The following SEMA6D variants were observed in gnomAD, a reference collection of about 807,000 sequenced individuals.
SEMA6D encodes semaphorin 6D.
Under a neutral mutation model 106.6 loss-of-function variants are expected in SEMA6D, and 35 were observed. The ratio of observed to expected loss-of-function variants is 0.33; its 90% CI spans 0.25 to 0.44. The LOEUF (loss-of-function observed/expected upper bound fraction) is 0.44. SEMA6D is among the 20% of genes least tolerant of loss of function. The pLI is 1.00. For missense variants in SEMA6D, 1,185 were observed against 1,345.9 expected (o/e 0.88, Z 1.87); for synonymous variants, 499 against 487.7 (o/e 1.02, Z -0.31).
chr15:47,202,501 C>T (rs1265253800), intron 1 of SEMA6D, among the ~76,000 whole-genome samples: 2 of 152,116 alleles, frequency 1.3e-5, no homozygotes, highest in East Asian at 3.9e-4. Context: ...CTCCCAAGCA[C>T]TAGCAGGCCA....
intron 3 of SEMA6D, among the ~76,000 whole-genome samples, chr15:47,517,182 G>C (rs946270815): frequency 6.6e-6 from 1 of 152,142 alleles, no homozygotes; most frequent in Non-Finnish European, 1.5e-5. Flanking sequence ...ACTTCCCTGA[G>C]AGGCAGTTGT....
At chr15:47,730,189 G>A (rs1370158419) in intron 1 of SEMA6D, 1 of 1,539,242 alleles carries the variant, frequency 6.5e-7, no homozygotes, top group Non-Finnish European at 8.9e-7. Flanking sequence ...TTTCGAGCTT[G>A]GCGATGCGAG....
intron 4 of SEMA6D, among the ~76,000 whole-genome samples, chr15:47,653,988 G>A (rs73392844): frequency 0.026 from 3,956 of 152,244 alleles, 175 homozygotes; most frequent in African/African-American, 0.091. Context: ...GCAAAATGGC[G>A]ATAATCCCTA....
At chr15:47,607,523 A>G (rs1404340018) in intron 4 of SEMA6D, among the ~76,000 whole-genome samples, 1 of 152,200 alleles carries the variant, frequency 6.6e-6, no homozygotes. Flanking sequence ...CTAAGTAAAT[A>G]TCTACTTACC....
intron 2 of SEMA6D, among the ~76,000 whole-genome samples, chr15:47,450,345 A>C (rs2042152328): frequency 6.6e-6 from 1 of 152,018 alleles, no homozygotes; most frequent in Admixed American, 6.6e-5. Flanking sequence ...CAATGCTCCC[A>C]CCTCCAGTAT....
At chr15:47,761,836 A>T in intron 7 of SEMA6D, 85 bp downstream of exon 7, 1 of 1,139,738 alleles carries the variant, frequency 8.8e-7, no homozygotes, top group Non-Finnish European at 1.3e-6. Context: ...AAAGTTAATA[A>T]CTTGGATACC....
intron 1 of SEMA6D, chr15:47,359,896 TG>T (rs1318034032): frequency 2.0e-5 from 3 of 152,116 alleles, no homozygotes; most frequent in East Asian, 3.9e-4. Context: ...GATTCTAATG[TG>T]GTTGTGCTGA....
At chr15:47,219,869 T>C (rs1257316513) in intron 1 of SEMA6D, among the ~76,000 whole-genome samples, 1 of 152,182 alleles carries the variant, frequency 6.6e-6, no homozygotes, top group Non-Finnish European at 1.5e-5. Flanking sequence ...TATAGGTCAG[T>C]TGGTCAGTTG....
At chr15:47,410,038 G>C (rs1187873312) in intron 1 of SEMA6D, among the ~76,000 whole-genome samples, 1 of 152,088 alleles carries the variant, frequency 6.6e-6, no homozygotes, top group Non-Finnish European at 1.5e-5. Flanking sequence ...CCAGGCTAGA[G>C]TGCTTGGCTC....
At chr15:47,648,760 C>A (rs547351217) in intron 4 of SEMA6D, among the ~76,000 whole-genome samples, 2 of 152,180 alleles carry the variant, frequency 1.3e-5, no homozygotes, top group South Asian at 4.1e-4. Context: ...GTGTATAGCT[C>A]ACATTTATTT....
chr15:47,490,139 C>A (rs1159517379), intron 3 of SEMA6D, among the ~76,000 whole-genome samples: 1 of 152,086 alleles, frequency 6.6e-6, no homozygotes, highest in African/African-American at 2.4e-5. Flanking sequence ...TAATCACTTA[C>A]CTGTTTGTTA....
intron 1 of SEMA6D, among the ~76,000 whole-genome samples, chr15:47,234,622 C>T (rs1045233352): frequency 6.6e-6 from 1 of 151,996 alleles, no homozygotes; most frequent in African/African-American, 2.4e-5. Context: ...TCCTGAATTA[C>T]TTCACTTGGA....
intron 1 of SEMA6D, among the ~76,000 whole-genome samples, chr15:47,727,245 T>C (rs886774107): frequency 6.6e-6 from 1 of 152,220 alleles, no homozygotes; most frequent in Non-Finnish European, 1.5e-5. Flanking sequence ...CTTCAGACTT[T>C]AAATTTCCTC....
intron 2 of SEMA6D, among the ~76,000 whole-genome samples, chr15:47,449,557 T>G (rs2042126425): frequency 6.6e-6 from 1 of 152,044 alleles, no homozygotes; most frequent in African/African-American, 2.4e-5. Flanking sequence ...TTTCTCCATT[T>G]ATGGGGCTGA....
intron 2 of SEMA6D, among the ~76,000 whole-genome samples, chr15:47,422,817 A>G (rs1021707864): frequency 1.3e-5 from 2 of 152,130 alleles, no homozygotes; most frequent in Non-Finnish European, 1.5e-5. Flanking sequence ...AACATGAGCA[A>G]TTAACATCCT....
chr15:47,618,952 G>T (rs1475742343), intron 4 of SEMA6D, among the ~76,000 whole-genome samples: 1 of 152,178 alleles, frequency 6.6e-6, no homozygotes, highest in Non-Finnish European at 1.5e-5. Context: ...ATCCATCTGG[G>T]TCACTTTCCA....
intron 4 of SEMA6D, among the ~76,000 whole-genome samples, chr15:47,664,877 T>C (rs1198757061): frequency 2.0e-5 from 3 of 152,212 alleles, no homozygotes; most frequent in African/African-American, 4.8e-5. Context: ...ATGAGGCAGG[T>C]AGGCAAATGC....
At chr15:47,447,073 T>C (rs1188765608) in intron 2 of SEMA6D, among the ~76,000 whole-genome samples, 1 of 152,116 alleles carries the variant, frequency 6.6e-6, no homozygotes, top group African/African-American at 2.4e-5. Context: ...ATATCCATGC[T>C]GAAGGGCATT....
intron 2 of SEMA6D, among the ~76,000 whole-genome samples, chr15:47,440,631 C>T (rs1464173893): frequency 6.6e-6 from 1 of 151,384 alleles, no homozygotes; most frequent in African/African-American, 2.4e-5. Context: ...AACAAATATT[C>T]AGTGGTGCTG....
Sources: gnomAD v4.1 joint callset for allele counts (sites outside exome capture counted in the v4.1 genomes callset) on GRCh38, gnomAD v4.1.1 for gene constraint, MANE v1.5 for transcripts, NCBI Gene and HGNC (gene_info 2026-07-23, HGNC 2026-07-21) for gene names.